LINGO2: variants seen among roughly 807,000 people sequenced by gnomAD.
LINGO2 encodes leucine-rich repeat and immunoglobulin-like domain-containing nogo receptor-interacting protein 2.
In LINGO2, 14 loss-of-function variants were observed where a neutral mutation model predicts 30.6. That is an observed-to-expected ratio of 0.46 (90% CI 0.30 to 0.72). The LOEUF (loss-of-function observed/expected upper bound fraction) is 0.72, where lower values mean the gene tolerates loss of function less well. Ranked by LOEUF, LINGO2 falls within the 30% of genes least tolerant of loss-of-function variation. The probability of loss-of-function intolerance (pLI) is 0.07; values close to 1 mark genes in which losing one functional copy is unlikely to be tolerated. For missense variants in LINGO2, 729 were observed against 751.7 expected, an observed-to-expected ratio of 0.97 and a Z score of 0.35; for synonymous variants, 317 against 288.5, an observed-to-expected ratio of 1.10 and a Z score of -1.00.
the LINGO2 span, among the ~76,000 whole-genome samples, chr9:28,755,917 C>T: frequency 8.6e-5 from 13 of 151,952 alleles, no homozygotes; most frequent in Admixed American, 2.0e-4. Flanking sequence ...TATTTAAATA[C>T]GGCTTTGAAA....
At chr9:28,040,424 G>GTTTTTT (rs762768949) in intron 4 of LINGO2, among the ~76,000 whole-genome samples, 2 of 124,318 alleles carry the variant, frequency 1.6e-5, no homozygotes, top group African/African-American at 2.9e-5. Context: ...ACAGCTTGAA[G>GTTTTTT]TTTTTTTTTT....
chr9:29,180,582 G>T, the LINGO2 span, among the ~76,000 whole-genome samples: 1 of 152,064 alleles, frequency 6.6e-6, no homozygotes, highest in Non-Finnish European at 1.5e-5. Flanking sequence ...TAAAAAAGAT[G>T]TCCTGTGTCT....
intron 4 of LINGO2, among the ~76,000 whole-genome samples, chr9:28,025,904 A>G (rs1384222557): frequency 2.0e-5 from 3 of 152,034 alleles, no homozygotes; most frequent in Non-Finnish European, 4.4e-5. Context: ...GTAATTTAAA[A>G]ATGCAAATCT....
At chr9:28,454,776 T>C (rs1001315822) in intron 2 of LINGO2, among the ~76,000 whole-genome samples, 10 of 152,024 alleles carry the variant, frequency 6.6e-5, no homozygotes, top group Non-Finnish European at 1.3e-4. Context: ...ACAGATATCA[T>C]AGAAAATGGA....
intron 4 of LINGO2, among the ~76,000 whole-genome samples, chr9:28,274,800 T>C (rs1263358016): frequency 6.6e-6 from 1 of 152,180 alleles, no homozygotes; most frequent in Admixed American, 6.5e-5. Flanking sequence ...GAACAAGATA[T>C]CCCAGTTACT....
chr9:28,403,165 C>T (rs1303303173), intron 2 of LINGO2, among the ~76,000 whole-genome samples: 1 of 152,136 alleles, frequency 6.6e-6, no homozygotes, highest in African/African-American at 2.4e-5. Context: ...TCCAGATTTG[C>T]CTCGTACTTT....
intron 4 of LINGO2, among the ~76,000 whole-genome samples, chr9:28,095,304 C>A (rs1826212086): frequency 6.6e-6 from 1 of 152,114 alleles, no homozygotes; most frequent in Non-Finnish European, 1.5e-5. Context: ...ACTACTCAGT[C>A]AGCAACCGCA....
chr9:28,892,961 G>A, the LINGO2 span, among the ~76,000 whole-genome samples: 7 of 151,966 alleles, frequency 4.6e-5, no homozygotes, highest in African/African-American at 1.7e-4. Context: ...TATATCTCAA[G>A]TAGTGATAGC....
At chr9:28,790,135 G>A in the LINGO2 span, among the ~76,000 whole-genome samples, 2 of 152,106 alleles carry the variant, frequency 1.3e-5, no homozygotes, top group Middle Eastern at 3.4e-3. Context: ...GCACCATCCT[G>A]CTTCGTCCTG....
At chr9:28,052,192 G>A (rs1411520464) in intron 4 of LINGO2, among the ~76,000 whole-genome samples, 2 of 152,164 alleles carry the variant, frequency 1.3e-5, no homozygotes, top group East Asian at 3.9e-4. Flanking sequence ...ATTCTCAAAA[G>A]AAAACCAAAA....
At chr9:28,652,082 T>C (rs1425032484) in intron 1 of LINGO2, among the ~76,000 whole-genome samples, 2 of 152,190 alleles carry the variant, frequency 1.3e-5, no homozygotes, top group African/African-American at 4.8e-5. Flanking sequence ...TATCTTCTCT[T>C]GCATGATAAT....
the LINGO2 span, among the ~76,000 whole-genome samples, chr9:29,003,523 G>T: frequency 2.0e-4 from 30 of 151,970 alleles, no homozygotes; most frequent in Non-Finnish European, 5.9e-5. Context: ...ACACAGTAAA[G>T]AAAGAGAAAT....
At chr9:28,184,486 G>A (rs778149831) in intron 4 of LINGO2, among the ~76,000 whole-genome samples, 17 of 151,286 alleles carry the variant, frequency 1.1e-4, no homozygotes, top group Non-Finnish European at 2.1e-4. Flanking sequence ...CTTAAGGTTC[G>A]ACTTAAAAAA....
chr9:28,994,122 T>C, the LINGO2 span, among the ~76,000 whole-genome samples: 3 of 151,952 alleles, frequency 2.0e-5, no homozygotes, highest in Non-Finnish European at 2.9e-5. Context: ...GAAAACCCCA[T>C]TGTCTCAGCC....
the LINGO2 span, among the ~76,000 whole-genome samples, chr9:29,024,556 T>C: frequency 6.6e-6 from 1 of 152,152 alleles, no homozygotes; most frequent in East Asian, 1.9e-4. Context: ...ATATATTTTA[T>C]TGATACTAAA....
the LINGO2 span, among the ~76,000 whole-genome samples, chr9:29,191,850 G>T: frequency 9.9e-5 from 15 of 151,874 alleles, no homozygotes; most frequent in African/African-American, 2.7e-4. Context: ...TTACAATTAC[G>T]CTGTAAACGT....
At chr9:28,090,942 C>T (rs1198635385) in intron 4 of LINGO2, among the ~76,000 whole-genome samples, 2 of 152,122 alleles carry the variant, frequency 1.3e-5, no homozygotes, top group African/African-American at 2.4e-5. Context: ...AGAGCCAAAT[C>T]ATGAGTGAAC....
At chr9:28,846,005 AAC>A in the LINGO2 span, among the ~76,000 whole-genome samples, 150,421 of 150,752 alleles carry the variant, frequency 1, 75,052 homozygotes, top group Middle Eastern at 1. Flanking sequence ...TGCTGTATCA[AAC>A]ACACACACAC....
chr9:27,960,810 G>T (rs180973962), intron 5 of LINGO2, among the ~76,000 whole-genome samples: 1 of 151,894 alleles, frequency 6.6e-6, no homozygotes, highest in African/African-American at 2.4e-5. Context: ...TTTGCTATTT[G>T]CTGTCTATTT....
Sources: allele counts gnomAD v4.1 joint callset (sites outside exome capture counted in the v4.1 genomes callset), GRCh38; gene constraint gnomAD v4.1.1; transcripts MANE v1.5; gene names NCBI Gene and HGNC (gene_info 2026-07-23, HGNC 2026-07-21).